The following MCFD2 variants were observed in gnomAD, a reference collection of about 807,000 sequenced individuals.
MCFD2 encodes the protein multiple coagulation factor deficiency 2, ER cargo receptor complex subunit, also known as multiple coagulation factor deficiency protein 2.
MCFD2 carries 11 observed loss-of-function variants against 12.8 expected under a neutral mutation model. The ratio of observed to expected loss-of-function variants is 0.86; its 90% CI spans 0.54 to 1.42. The LOEUF (loss-of-function observed/expected upper bound fraction) is 1.42, where lower values mean the gene tolerates loss of function less well. Among genes scored for constraint, MCFD2 ranks in the 40% most tolerant of loss-of-function variants. MCFD2 has a pLI of 0.00. For synonymous variants in MCFD2, 70 were observed against 68.1 expected, an observed-to-expected ratio of 1.03 and a Z score of -0.14; for missense variants, 191 against 178.6, an observed-to-expected ratio of 1.07 and a Z score of -0.40.
In MCFD2 at chr2:46,905,579, C is replaced by T. The variant is rs950948431; in HGVS notation, c.325G>A (p.Ala109Thr). Residue 109 changes from alanine to threonine, a missense_variant, in exon 4 of 4, where the codon GCA becomes ACA. Coordinates refer to ENST00000319466, the MANE Select transcript of MCFD2 (RefSeq NM_139279.6). ...HVHKEEGSEQ[A>T]PLMSEDELIN... is the part of the protein sequence containing the mutation. ...AGTTCATCTTCACTCATTAGTGGTG[C>T]CTGTTCACTCCCTTCCTACAAAATA... 2 of 1,613,386 alleles carry T rather than the reference C, an allele frequency of 1.2e-6. No individual in the cohort carries two copies. Among genetic ancestry groups the T allele is most frequent in the Admixed American group, 3.3e-5 (2 of 59,950 alleles).
chr2:46,906,119 G>GGGCTGA, intron 3 of MCFD2: 1 of 410,354 alleles, frequency 2.4e-6, no homozygotes, highest in South Asian at 1.8e-5. Flanking sequence ...CAGGGTTAGT[G>GGGCTGA]GGCTGAGGCT....
upstream of MCFD2, chr2:46,917,308 T>A: frequency 1.5e-6 from 1 of 649,096 alleles, no homozygotes; most frequent in African/African-American, 1.8e-5. Flanking sequence ...AAAGAATCCC[T>A]AAGTTTTGAG....
chr2:46,918,746 C>T (rs796810149), upstream of MCFD2, among the ~76,000 whole-genome samples: 11 of 152,322 alleles, frequency 7.2e-5, no homozygotes, highest in African/African-American at 2.6e-4. Flanking sequence ...TTGGAGAAAT[C>T]TCACGAGCAA....
intron 1 of MCFD2, among the ~76,000 whole-genome samples, chr2:46,928,291 A>C (rs756742197): frequency 1.1e-4 from 16 of 151,882 alleles, no homozygotes; most frequent in Non-Finnish European, 2.1e-4. Context: ...TCAGAAATCT[A>C]GGCAGGTTGT....
In MCFD2 at chr2:46,908,799, G is replaced by C; in HGVS notation, c.149+224C>G. ...AAAAGGAGAGACCGGATTCAGACAA[G>C]TAATGTGCCCCATTTGGGCCTAAAG... On this transcript the variant is annotated intron_variant, in intron 2 of 3. Transcript: ENST00000319466. This position sits in a 1 kb window ranked among gnomAD's most constrained non-coding sequence, Gnocchi z 4.5. 1 of 600,896 alleles carries C rather than the reference G, an allele frequency of 1.7e-6. No individual in the cohort carries two copies. Among genetic ancestry groups the C allele is most frequent in the South Asian group, 1.9e-5 (1 of 51,556 alleles). 37.2% of individuals were successfully genotyped at this position (600,896 alleles called of 1,614,324 possible).
upstream of MCFD2, chr2:46,915,933 G>A: frequency 1.0e-6 from 1 of 985,302 alleles, no homozygotes; most frequent in Non-Finnish European, 1.2e-6. Context: ...GAGTCCACGT[G>A]TAATCGGCCC....
At chr2:46,910,763 G>C (rs1375408306) in intron 1 of MCFD2, 1 of 152,472 alleles carries the variant, frequency 6.6e-6, no homozygotes, top group African/African-American at 2.4e-5. Flanking sequence ...GGATAGGCCA[G>C]GCATGGTGGT....
rs752268860 is a variant in MCFD2, at chr2:46,907,924, C to T, written c.195G>A (p.Ala65=). The part of the protein sequence containing the change: ...HLEGVINKPE[A]EMSPQELQLH... ...GCTGCAATTCTTGTGGCGACATCTC[C>T]GCCTCTGGTTTGTTGATGACACCTT... The change falls in exon 3 of 4, where the codon GCG becomes GCA. Residue 65 remains alanine, a synonymous_variant. Transcript: ENST00000319466. This position sits in a 1 kb window ranked among gnomAD's most constrained non-coding sequence, Gnocchi z 4.1. The T allele has an allele frequency of 3.4e-5, 55 of 1,614,028 alleles. No individual in the cohort carries two copies. Among genetic ancestry groups the T allele is most frequent in the Non-Finnish European group, 4.4e-5 (52 of 1,180,044 alleles).
At chr2:46,939,755 G>A (rs774016195) in intron 1 of MCFD2, among the ~76,000 whole-genome samples, 2 of 152,162 alleles carry the variant, frequency 1.3e-5, no homozygotes, top group Non-Finnish European at 2.9e-5. Flanking sequence ...TAATCCAACC[G>A]CTCTCTCCAA....
At position 46,941,416 on chromosome 2, in the gene MCFD2, G is replaced by GC. The variant is rs1670360523; in HGVS notation, c.-8+155dup. 1.9e-6 allele frequency: 2 copies of GC among 1,033,418 alleles called. No individual in the cohort carries two copies. The highest frequency in any genetic ancestry group is 3.4e-5 in the African/African-American group (2 of 59,280). The allele number at this position is 1,033,418 out of a possible 1,614,324, so 64.0% of individuals were successfully genotyped here. A position where few individuals can be genotyped will look rare whatever the true frequency, so the allele number is the denominator to read the frequency against. On this transcript the variant is annotated intron_variant, in intron 1 of 2. Coordinates refer to the MCFD2 transcript ENST00000409147. This position sits in a 1 kb window ranked among gnomAD's most constrained non-coding sequence, Gnocchi z 4.2. The stretch of plus-strand genomic sequence containing the variant: ...CTCCGCCGCCCGGGCCCCCGCTGCC[G>GC]CCCGGGCCCCGGCTGCCGTCTGCGC...
intron 1 of MCFD2, among the ~76,000 whole-genome samples, chr2:46,912,822 G>A (rs1187971878): frequency 6.6e-6 from 1 of 152,196 alleles, no homozygotes; most frequent in African/African-American, 2.4e-5. Flanking sequence ...AGAAGCTGCT[G>A]GTTCTTAGCC....
intron 1 of MCFD2, among the ~76,000 whole-genome samples, chr2:46,930,918 A>G (rs1572650013): frequency 1.3e-5 from 2 of 152,184 alleles, no homozygotes; most frequent in South Asian, 2.1e-4. Context: ...AAATATATAT[A>G]CCCTCTGATT....
In MCFD2 at chr2:46,940,643, T is replaced by G. The variant is rs991246820; in HGVS notation, c.-8+929A>C. 5.9e-5 allele frequency among the ~76,000 whole-genome samples: 9 copies of G among 152,218 alleles called. No homozygotes were observed. The highest frequency in any genetic ancestry group is 3.9e-4 in the Admixed American group (6 of 15,288). Reference sequence around the variant, plus strand: ...CAACAGAGATTCCACAGAGGACAGGTCAACGGGTTAGGGAAGTCAAGTTGG... The same window carrying G: ...CAACAGAGATTCCACAGAGGACAGGGCAACGGGTTAGGGAAGTCAAGTTGG... On this transcript the variant is annotated intron_variant, in intron 1 of 2. Coordinates refer to the MCFD2 transcript ENST00000409147. This position sits in a 1 kb window ranked among gnomAD's most constrained non-coding sequence, Gnocchi z 4.7.
At chr2:46,929,077 C>A (rs1049476282) in intron 1 of MCFD2, among the ~76,000 whole-genome samples, 2 of 151,604 alleles carry the variant, frequency 1.3e-5, no homozygotes, top group Non-Finnish European at 2.9e-5. Flanking sequence ...GTGGGAGAAT[C>A]GCTTGAACCT....
chr2:46,915,489 G>A (rs866968329), intron 1 of MCFD2, among the ~76,000 whole-genome samples: 20 of 152,188 alleles, frequency 1.3e-4, no homozygotes, highest in South Asian at 6.2e-4. Flanking sequence ...GACCAGGGAA[G>A]GGGGCGGAGA....
intron 1 of MCFD2, among the ~76,000 whole-genome samples, chr2:46,924,175 G>A (rs930843416): frequency 6.7e-6 from 1 of 150,214 alleles, no homozygotes; most frequent in African/African-American, 2.5e-5. Flanking sequence ...CTGCACTCCA[G>A]TCTGGGTGAC....
At chr2:46,924,629 T>TC (rs1669288113) in intron 1 of MCFD2, among the ~76,000 whole-genome samples, 1 of 152,060 alleles carries the variant, frequency 6.6e-6, no homozygotes, top group Non-Finnish European at 1.5e-5. Context: ...ATATTTTCTT[T>TC]TTTTTTTTTC....
In MCFD2 at chr2:46,941,386, C is replaced by A; in HGVS notation, c.-8+186G>T. 1.8e-6 allele frequency: 1 copy of A among 550,778 alleles called. No individual in the cohort carries two copies. Among genetic ancestry groups the A allele is most frequent in the Non-Finnish European group, 2.5e-6 (1 of 395,420 alleles). 34.1% of individuals were successfully genotyped at this position (550,778 alleles called of 1,614,324 possible). ...CTGGTGCTGCTGCTGCTGCTGCTGC[C>A]CACCCTCCGCCGCCCGGGCCCCCGC... On this transcript the variant is annotated intron_variant, in intron 1 of 2. Coordinates refer to the MCFD2 transcript ENST00000409147. The surrounding 1 kb of genome is among the most constrained non-coding windows in gnomAD (Gnocchi z 4.2).
At chr2:46,924,691 A>G (rs1282377195) in intron 1 of MCFD2, among the ~76,000 whole-genome samples, 7 of 151,888 alleles carry the variant, frequency 4.6e-5, no homozygotes, top group Non-Finnish European at 1.0e-4. Context: ...CAGTGGTGCG[A>G]TCTCAGCACA....
Sources: allele counts gnomAD v4.1 joint callset (sites outside exome capture counted in the v4.1 genomes callset), GRCh38; gene constraint gnomAD v4.1.1; non-coding constraint Gnocchi (gnomAD v3.1); transcripts MANE v1.5; gene names NCBI Gene and HGNC (gene_info 2026-07-23, HGNC 2026-07-21).